The following HHAT variants were observed in gnomAD, a reference collection of about 807,000 sequenced individuals.
HHAT encodes protein-cysteine N-palmitoyltransferase HHAT.
Under a neutral mutation model 70.8 loss-of-function variants are expected in HHAT, and 47 were observed. The ratio of observed to expected loss-of-function variants is 0.66; its 90% CI spans 0.53 to 0.85. HHAT has a LOEUF of 0.85. Among genes scored for constraint, HHAT ranks in the 40% least tolerant of loss-of-function variants. HHAT has a pLI of 0.00. For missense variants in HHAT, 609 were observed against 604.8 expected (o/e 1.01, Z -0.07); for synonymous variants, 228 against 247.6 (o/e 0.92, Z 0.74).
intron 9 of HHAT, among the ~76,000 whole-genome samples, chr1:210,545,007 A>G (rs2095470569): frequency 6.6e-6 from 1 of 151,852 alleles, no homozygotes; most frequent in South Asian, 2.1e-4. Context: ...CAACTGAAGT[A>G]GTTTCCCATC....
intron 2 of HHAT, among the ~76,000 whole-genome samples, chr1:210,354,415 G>A (rs2087393696): frequency 6.6e-6 from 1 of 152,018 alleles, no homozygotes; most frequent in African/African-American, 2.4e-5. Context: ...ATGTTAGTCA[G>A]GCTGGTCTCA....
chr1:210,611,102 G>C (rs1666481499), intron 10 of HHAT, among the ~76,000 whole-genome samples: 1 of 152,120 alleles, frequency 6.6e-6, no homozygotes, highest in South Asian at 2.1e-4. Flanking sequence ...ATTACTTTGG[G>C]CAGTATGGCC....
chr1:210,336,287 A>ATTGTTTTTTTTTTTTTTTTTTTTTTTT (rs2085478794), intron 1 of HHAT, among the ~76,000 whole-genome samples: 1 of 84,626 alleles, frequency 1.2e-5, no homozygotes, highest in Non-Finnish European at 2.4e-5. Context: ...TGCCTGGCTA[A>ATTGTTTTTTTTTTTTTTTTTTTTTTTT]TTTTTTTTTT....
chr1:210,353,626 C>G (rs543095379), intron 2 of HHAT, among the ~76,000 whole-genome samples: 8 of 152,068 alleles, frequency 5.3e-5, no homozygotes, highest in Non-Finnish European at 1.0e-4. Flanking sequence ...TGGTTCTTAA[C>G]TCTTACTTAA....
At chr1:210,587,756 AT>A in intron 9 of HHAT, 141 bp from the exon 10 acceptor site, 2 of 670,696 alleles carry the variant, frequency 3.0e-6, no homozygotes, top group South Asian at 3.7e-5. Context: ...GGGATGGAGA[AT>A]CCAAGGAATC....
chr1:210,539,284 G>A (rs2095405639), intron 9 of HHAT, among the ~76,000 whole-genome samples: 1 of 152,190 alleles, frequency 6.6e-6, no homozygotes, highest in Admixed American at 6.5e-5. Context: ...GAGAGGGAAA[G>A]ACTATGATTC....
Position 210,418,193 on chromosome 1 carries a change from T to C in HHAT, c.724T>C (p.Cys242Arg), listed in dbSNP as rs200438732. Reference protein sequence around the residue: ...QEHDSLKASLCVLALGLGRLL... With the variant: ...QEHDSLKASLRVLALGLGRLL... ...GCATGACTCCCTGAAGGCCAGCCTGTGTGTCCTGGCCCTGGGGCTGGGCCG... is the reference window on the plus strand; with the variant it reads ...GCATGACTCCCTGAAGGCCAGCCTGCGTGTCCTGGCCCTGGGGCTGGGCCG... The change falls in exon 7 of 12, where the codon TGT becomes CGT. Residue 242 changes from cysteine to arginine, a missense_variant. Physicochemically the swap from Cys to Arg is radical, Grantham distance 180. Transcript: ENST00000261458. 4 of 1,614,180 alleles carry C rather than the reference T, an allele frequency of 2.5e-6. No individual in the cohort carries two copies. Among genetic ancestry groups the C allele is most frequent in the East Asian group, 2.2e-5 (1 of 44,882 alleles).
At chr1:210,367,009 C>T (rs1031568140) in intron 3 of HHAT, among the ~76,000 whole-genome samples, 5 of 152,158 alleles carry the variant, frequency 3.3e-5, no homozygotes, top group Admixed American at 1.3e-4. Context: ...CCATATGGAG[C>T]GCTGGGGACA....
chr1:210,652,662 C>T (rs77237471), intron 11 of HHAT, among the ~76,000 whole-genome samples: 2 of 152,264 alleles, frequency 1.3e-5, no homozygotes, highest in East Asian at 1.9e-4. Flanking sequence ...AACTGCCTCA[C>T]TCGTGTAGAT....
In HHAT at chr1:210,530,573, G is replaced by A. The variant is rs151126641; in HGVS notation, c.1043+17385G>A. 1.3e-3 allele frequency among the ~76,000 whole-genome samples: 197 copies of A among 152,250 alleles called. 1 individual carries two copies. Among genetic ancestry groups the A allele is most frequent in the African/African-American group, 4.5e-3 (189 of 41,550 alleles). ...GTGGGAATGAGGAGTACTGAATAAG[G>A]AGTTATTAACGGAGCAACGTGTTCT... is the stretch of plus-strand genomic sequence containing the variant. On this transcript the variant is annotated intron_variant, in intron 9 of 11. Transcript: ENST00000261458.
At chr1:210,515,698 C>T (rs2095042747) in intron 9 of HHAT, among the ~76,000 whole-genome samples, 1 of 142,820 alleles carries the variant, frequency 7.0e-6, no homozygotes, top group South Asian at 2.2e-4. Flanking sequence ...GCAGAGCTTG[C>T]AGTGAGCTGA....
intron 1 of HHAT, among the ~76,000 whole-genome samples, chr1:210,335,106 G>C (rs1335371236): frequency 6.6e-6 from 1 of 152,016 alleles, no homozygotes; most frequent in Non-Finnish European, 1.5e-5. Flanking sequence ...AAAATTATAG[G>C]CCAAATGCTC....
At chr1:210,557,892 G>A (rs11807403) in intron 9 of HHAT, among the ~76,000 whole-genome samples, 25,293 of 152,078 alleles carry the variant, frequency 0.17, 3,375 homozygotes, top group East Asian at 0.59. Flanking sequence ...TATGTGGGTG[G>A]CCAGGAGTAT....
chr1:210,657,563 C>A (rs1676707139), intron 11 of HHAT, among the ~76,000 whole-genome samples: 1 of 152,240 alleles, frequency 6.6e-6, no homozygotes, highest in South Asian at 2.1e-4. Context: ...CTTTATCATT[C>A]TGTTCTTTGC....
chr1:210,357,051 C>T lies in HHAT; in HGVS notation c.92-5801C>T, dbSNP rs534493122. Reference sequence around the variant, plus strand: ...TGGAACAACCAAGGCTCCAAACATTCTGTTTGGTGATGCTTCACATTATAT... The same window carrying T: ...TGGAACAACCAAGGCTCCAAACATTTTGTTTGGTGATGCTTCACATTATAT... On this transcript the variant is annotated intron_variant, in intron 2 of 11. Coordinates refer to ENST00000261458, the MANE Select transcript of HHAT (RefSeq NM_018194.6). Among the ~76,000 whole-genome samples the T allele has an allele frequency of 2.0e-5, 3 of 152,358 alleles. No individual in the cohort carries two copies. The South Asian group carries it at 6.2e-4, about 32-fold the overall frequency.
At chr1:210,348,724 G>GGTGTGTGTGTGT (rs1476533629) in intron 1 of HHAT, among the ~76,000 whole-genome samples, 3 of 106,454 alleles carry the variant, frequency 2.8e-5, no homozygotes, top group African/African-American at 1.3e-4. Flanking sequence ...GCACATGTGT[G>GGTGTGTGTGTGT]GTGTATGTGT....
At chr1:210,328,857 C>G (rs936030443), upstream of HHAT, 8 of 448,670 alleles carry the variant, frequency 1.8e-5, no homozygotes, top group Non-Finnish European at 2.9e-5. Context: ...TCGCCATCGC[C>G]CGGAGAGCGC....
intron 3 of HHAT, among the ~76,000 whole-genome samples, chr1:210,385,789 G>A (rs1037317372): frequency 6.6e-6 from 1 of 152,190 alleles, no homozygotes. Context: ...AGTTAGTAGC[G>A]GGTACTGCTG....
At chr1:210,475,186 G>GA (rs1359068586) in intron 8 of HHAT, among the ~76,000 whole-genome samples, 4 of 152,094 alleles carry the variant, frequency 2.6e-5, no homozygotes, top group African/African-American at 9.7e-5. Context: ...TAACTAGGCA[G>GA]ACCCTTTTGA....
Sources: gnomAD v4.1 joint callset for allele counts (sites outside exome capture counted in the v4.1 genomes callset) on GRCh38, gnomAD v4.1.1 for gene constraint, MANE v1.5 for transcripts, NCBI Gene and HGNC (gene_info 2026-07-23, HGNC 2026-07-21) for gene names.